Variants in TNXB observed in about 807,000 individuals in gnomAD.
TNXB encodes the protein tenascin-X.
Under a neutral mutation model 340.5 loss-of-function variants are expected in TNXB, and 183 were observed. The observed-to-expected ratio is 0.54, with a 90% CI of 0.48 to 0.61. The LOEUF (loss-of-function observed/expected upper bound fraction) is 0.61. TNXB is among the 20% of genes least tolerant of loss of function. The pLI is 0.00. For missense variants in TNXB, 4,613 were observed against 5,446.4 expected, an observed-to-expected ratio of 0.85 and a Z score of 4.82; for synonymous variants, 2,121 against 2,314.5, an observed-to-expected ratio of 0.92 and a Z score of 2.40.
At chr6:32,093,248 T>C in intron 4 of TNXB, 1 of 651,764 alleles carries the variant, frequency 1.5e-6, no homozygotes, top group Non-Finnish European at 2.8e-6. Flanking sequence ...GCAGTGCTTG[T>C]TTTAGTGAGG....
In TNXB at chr6:32,087,646, C is replaced by T. The variant is rs1472187590; in HGVS notation, c.2779+1139G>A. The T allele has an allele frequency of 2.4e-6, 1 of 416,752 alleles. No homozygotes were observed. Among genetic ancestry groups the T allele is most frequent in the Non-Finnish European group, 4.8e-6 (1 of 206,446 alleles). The allele number at this position is 416,752 out of a possible 1,614,324, so 25.8% of individuals were successfully genotyped here. A position where few individuals can be genotyped will look rare whatever the true frequency, so the allele number is the denominator to read the frequency against. ...GTGGCGGGGCGGGGGTGCGGGGGAGCCGGCTGGGGCGGCGGCCAACAGACG... is the reference window on the plus strand; with the variant it reads ...GTGGCGGGGCGGGGGTGCGGGGGAGTCGGCTGGGGCGGCGGCCAACAGACG... On this transcript the variant is annotated intron_variant, in intron 6 of 43. Transcript: ENST00000644971. The surrounding 1 kb of genome is among the most constrained non-coding windows in gnomAD (Gnocchi z 9.0).
At chr6:32,065,210 T>A in intron 18 of TNXB, 93 bp from the exon 19 acceptor site, 1 of 1,160,252 alleles carries the variant, frequency 8.6e-7, no homozygotes. Flanking sequence ...GTGGGCCCAG[T>A]CTGGCCCTAA....
chr6:32,089,458 C>G lies in TNXB; in HGVS notation c.2359-79G>C, dbSNP rs906885201. ...TCAATCCCCCTTATCTCTTCTTTCT[C>G]CAATTCTAAACAGTGTCAGCATGGT... On this transcript the variant is annotated intron_variant, in intron 4 of 43. Transcript: ENST00000644971. This position sits in a 1 kb window ranked among gnomAD's most constrained non-coding sequence, Gnocchi z 6.2. 19 of 1,509,366 alleles carry G rather than the reference C, an allele frequency of 1.3e-5. No homozygotes were observed. In the African/African-American group the frequency reaches 2.3e-4, roughly 19 times the overall value. The allele number at this position is 1,509,366 out of a possible 1,614,324, so 93.5% of individuals were successfully genotyped here. A position where few individuals can be genotyped will look rare whatever the true frequency, so the allele number is the denominator to read the frequency against.
rs752290273 is a variant in TNXB, at chr6:32,049,333, T to C, written c.9694A>G (p.Met3232Val). The C allele has an allele frequency of 4.3e-6, 7 of 1,612,380 alleles. No individual in the cohort carries two copies. The highest frequency in any genetic ancestry group is 1.7e-5 in the Admixed American group (1 of 59,996). The change falls in exon 28 of 44, where the codon ATG (methionine) becomes GTG (valine). Residue 3232 changes from methionine (M) to valine (V), a missense_variant. Met to Val is a conservative substitution (Grantham distance 21). Transcript: ENST00000644971. The surrounding 1 kb of genome is among the most constrained non-coding windows in gnomAD (Gnocchi z 4.5). Reference protein sequence around the residue: ...GGLEPGRKYKMHLYGLHEGQR... With the variant: ...GGLEPGRKYKVHLYGLHEGQR... ...CCCTCGTGGAGGCCGTACAGATGCA[T>C]CTTGTATTTGCGCCCGGGCTCCAGG...
At chr6:32,092,221 C>G (rs1293831132) in intron 4 of TNXB, among the ~76,000 whole-genome samples, 1 of 152,168 alleles carries the variant, frequency 6.6e-6, no homozygotes, top group Non-Finnish European at 1.5e-5. Flanking sequence ...GTGGGGGAGT[C>G]TGACAATTTG....
chr6:32,090,195 T>A lies in TNXB; in HGVS notation c.2359-816A>T, dbSNP rs17201588. Among the ~76,000 whole-genome samples the A allele has an allele frequency of 0.26, 39,112 of 152,226 alleles. 6,453 individuals carry two copies. The highest frequency in any genetic ancestry group is 0.38 in the Admixed American group (5,759 of 15,284). On this transcript the variant is annotated intron_variant, in intron 4 of 43. Transcript: ENST00000644971. This position sits in a 1 kb window ranked among gnomAD's most constrained non-coding sequence, Gnocchi z 4.3. ...ACACAAAAATAAAATATATGGTCCC[T>A]GTCCTCAGGTAGCTGAGACTCTAAT...
intron 11 of TNXB, among the ~76,000 whole-genome samples, chr6:32,077,209 A>G (rs550300658): frequency 7.8e-4 from 119 of 152,274 alleles, no homozygotes; most frequent in African/African-American, 2.8e-3. Context: ...CTCCAGGAGC[A>G]GACTTGGCAG....
chr6:32,084,517 G>A lies in TNXB; in HGVS notation c.3341C>T (p.Ser1114Leu), dbSNP rs758509219. The A allele has an allele frequency of 9.9e-6, 16 of 1,609,006 alleles. No homozygotes were observed. The East Asian group carries it at 2.2e-4, about 22-fold the overall frequency. The change falls in exon 8 of 44, where the codon TCG becomes TTG. Residue 1114 changes from serine (S) to leucine (L), a missense_variant. Ser to Leu is a moderately radical substitution (Grantham distance 145). Coordinates refer to ENST00000644971, the MANE Select transcript of TNXB (RefSeq NM_001365276.2). This position sits in a 1 kb window ranked among gnomAD's most constrained non-coding sequence, Gnocchi z 5.5. Reference sequence around the variant, plus strand: ...AGGATCCAGGGAGGTGATGACGGCCGAGCGCTGGGGTCCTTCCACGGGCAC... The same window carrying A: ...AGGATCCAGGGAGGTGATGACGGCCAAGCGCTGGGGTCCTTCCACGGGCAC... ...QVVPVEGPQR[S>L]AVITSLDPGR...
At position 32,049,419 on chromosome 6, in the gene TNXB, C is replaced by T; in HGVS notation, c.9608G>A (p.Arg3203Lys). ...ACGCACCACCTGGGGCTGCCCGTCC[C>T]TGTCCTTGTACTGCACGGTGAAGGA... is the stretch of plus-strand genomic sequence containing the variant. ...FDSFTVQYKDRDGQPQVVRVR... is the reference protein window; with the variant it reads ...FDSFTVQYKDKDGQPQVVRVR... The change falls in exon 28 of 44, where the codon AGG (arginine) becomes AAG (lysine). Residue 3203 changes from arginine (R) to lysine (K), a missense_variant. Arg to Lys is a conservative substitution (Grantham distance 26). Coordinates refer to ENST00000644971, the MANE Select transcript of TNXB (RefSeq NM_001365276.2). This position sits in a 1 kb window ranked among gnomAD's most constrained non-coding sequence, Gnocchi z 4.5. The T allele has an allele frequency of 6.2e-7, 1 of 1,612,714 alleles. No homozygotes were observed. The highest frequency in any genetic ancestry group is 8.5e-7 in the Non-Finnish European group (1 of 1,179,878).
At chr6:32,093,575 C>T in intron 4 of TNXB, 1 of 513,256 alleles carries the variant, frequency 1.9e-6, no homozygotes, top group South Asian at 3.2e-5. Context: ...TTTATTTTTA[C>T]AGAGTCCTGG....
At position 32,042,679 on chromosome 6, in the gene TNXB, G is replaced by A. The variant is rs1253582069; in HGVS notation, c.12058+20C>T. ...GGCTGCCCACCCAGCCCCCGGCCCC[G>A]GGCCCGTGCGTCCAGGTACCCGTGG... is the stretch of plus-strand genomic sequence containing the variant. On this transcript the variant is annotated intron_variant, in intron 39 of 43. Coordinates refer to ENST00000644971, the MANE Select transcript of TNXB (RefSeq NM_001365276.2). 16 of 1,263,124 alleles carry A rather than the reference G, an allele frequency of 1.3e-5. No homozygotes were observed. The highest frequency in any genetic ancestry group is 1.0e-4 in the African/African-American group (6 of 57,660). 78.2% of individuals were successfully genotyped at this position (1,263,124 alleles called of 1,614,324 possible).
chr6:32,096,690 C>G lies in TNXB; in HGVS notation c.1163G>C (p.Cys388Ser). Residue 388 changes from cysteine (C) to serine (S), a missense_variant, in exon 3 of 44, where the codon TGC (cysteine) becomes TCC (serine). Around this residue, in one of 7 missense-constraint regions of TNXB, gnomAD observed 4,327 missense variants for 4,859.4 expected, o/e 0.89. Coordinates refer to ENST00000644971, the MANE Select transcript of TNXB (RefSeq NM_001365276.2). ...CCCGCTGTAGCCCGTGTCGCAAATG[C>G]ATTCGCCGTCCTCGCAGCGCCCGCG... ...RGRGRCEDGE[C>S]ICDTGYSGDD... The G allele has an allele frequency of 6.4e-7, 1 of 1,552,592 alleles. No homozygotes were observed. The highest frequency in any genetic ancestry group is 1.2e-5 in the South Asian group (1 of 84,696).
At position 32,043,575 on chromosome 6, in the gene TNXB, C is replaced by T; in HGVS notation, c.11531-19G>A. On this transcript the variant is annotated intron_variant, in intron 35 of 43. Coordinates refer to ENST00000644971, the MANE Select transcript of TNXB (RefSeq NM_001365276.2). ...TCAGGAACTGGGGGAAGGGGAGGGG[C>T]TCAGAAGGGTCCCCGCGGCTCTCTC... 3 of 1,100,670 alleles carry T rather than the reference C, an allele frequency of 2.7e-6. No homozygotes were observed. The highest frequency in any genetic ancestry group is 2.4e-5 in the East Asian group (1 of 41,822). The allele number at this position is 1,100,670 out of a possible 1,614,324, so 68.2% of individuals were successfully genotyped here.
rs531345134 is a variant in TNXB at position 32,079,927 on chromosome 6, A to C, written c.4043-562T>G. On this transcript the variant is annotated intron_variant, in intron 10 of 43. Coordinates refer to ENST00000644971, the MANE Select transcript of TNXB (RefSeq NM_001365276.2). The surrounding 1 kb of genome is among the most constrained non-coding windows in gnomAD (Gnocchi z 7.1). ...GCTCTGGAATCACAGCCCTGTGGGCACCTACCCGCCCCCTACAGTTAGGTC... is the reference window on the plus strand; with the variant it reads ...GCTCTGGAATCACAGCCCTGTGGGCCCCTACCCGCCCCCTACAGTTAGGTC... Among the ~76,000 whole-genome samples, 10 of 152,324 alleles carry C rather than the reference A, an allele frequency of 6.6e-5. No homozygotes were observed. The highest frequency in any genetic ancestry group is 2.4e-4 in the African/African-American group (10 of 41,564).
At chr6:32,066,521 A>G (rs564750865) in intron 18 of TNXB, among the ~76,000 whole-genome samples, 1 of 152,366 alleles carries the variant, frequency 6.6e-6, no homozygotes, top group South Asian at 2.1e-4. Flanking sequence ...ACAAAAGAAT[A>G]CATATTGTTT....
chr6:32,094,158 G>A (rs1780208607), intron 4 of TNXB, among the ~76,000 whole-genome samples: 1 of 145,522 alleles, frequency 6.9e-6, no homozygotes, highest in African/African-American at 2.5e-5. Flanking sequence ...GAAAAAACTG[G>A]TTTGCATGTA....
At chr6:32,086,414 C>T (rs988127955) in intron 6 of TNXB, among the ~76,000 whole-genome samples, 7 of 152,190 alleles carry the variant, frequency 4.6e-5, no homozygotes, top group Admixed American at 2.0e-4. Flanking sequence ...ACTTCCATGT[C>T]CCTCCCCACA....
intron 13 of TNXB, 32 bp downstream of exon 13, chr6:32,071,958 C>T: frequency 1.9e-6 from 3 of 1,548,226 alleles, no homozygotes; most frequent in Non-Finnish European, 2.6e-6. Flanking sequence ...AGGCTGTGGC[C>T]TCAGGCTCAG....
Position 32,085,757 on chromosome 6 carries a change from G to A in TNXB, c.3141C>T (p.Gly1047=). The A allele has an allele frequency of 1.9e-6, 3 of 1,545,560 alleles. No individual in the cohort carries two copies. In the African/African-American group the frequency reaches 4.1e-5, roughly 21 times the overall value. ...GCAGAGTCCAAGATGTACCCATAAT[G>A]CCTTGGTAGATGATGGGGTCAGAGG... ...GKPSDPIIYQ[G]IMDKDEEKPG... The change falls in exon 7 of 44, where the codon GGC becomes GGT. Residue 1047 remains glycine, a synonymous_variant. Coordinates refer to ENST00000644971, the MANE Select transcript of TNXB (RefSeq NM_001365276.2). This position sits in a 1 kb window ranked among gnomAD's most constrained non-coding sequence, Gnocchi z 6.4.
Sources: gnomAD v4.1 joint callset for allele counts (sites outside exome capture counted in the v4.1 genomes callset) on GRCh38, gnomAD v4.1.1 for gene constraint, gnomAD v4.1.1 regional missense constraint, Gnocchi (gnomAD v3.1) non-coding constraint, MANE v1.5 for transcripts, NCBI Gene and HGNC (gene_info 2026-07-23, HGNC 2026-07-21) for gene names.